The following KLK12 variants were observed in gnomAD, a reference collection of about 807,000 sequenced individuals.
KLK12 encodes kallikrein-12.
A neutral mutation model predicts 20.0 loss-of-function variants in KLK12; 23 were observed. The ratio of observed to expected loss-of-function variants is 1.15; its 90% CI spans 0.83 to 1.63. The LOEUF (loss-of-function observed/expected upper bound fraction) is 1.63, where lower values mean the gene tolerates loss of function less well. Among genes scored for constraint, KLK12 ranks in the 40% most tolerant of loss-of-function variants. The pLI is 0.00. For synonymous variants in KLK12, 147 were observed against 141.9 expected, an observed-to-expected ratio of 1.04 and a Z score of -0.25; for missense variants, 351 against 338.6, an observed-to-expected ratio of 1.04 and a Z score of -0.29.
chr19:51,033,057 A>C (rs943664029), intron 3 of KLK12, among the ~76,000 whole-genome samples: 2 of 149,876 alleles, frequency 1.3e-5, no homozygotes, highest in African/African-American at 4.9e-5. Flanking sequence ...CTACAAAAAA[A>C]ATTTAAAAAT....
chr19:51,034,898 T>G lies in KLK12; in HGVS notation c.-112A>C, dbSNP rs8104577. On this transcript the variant is annotated 5_prime_UTR_variant, in exon 1 of 6. Coordinates refer to ENST00000684732, the MANE Select transcript of KLK12 (RefSeq NM_001370125.1). ...CTCTCCGTCCACCTACCTGCCTGTCTTCTCATGTGCTGGCCACTCCGCCAG... is the reference window on the plus strand; with the variant it reads ...CTCTCCGTCCACCTACCTGCCTGTCGTCTCATGTGCTGGCCACTCCGCCAG... The G allele has an allele frequency of 0.5, 672,792 of 1,349,046 alleles. 169,363 individuals are homozygous for G. Among genetic ancestry groups the G allele is most frequent in the East Asian group, 0.59 (19,318 of 32,646 alleles). The allele number at this position is 1,349,046 out of a possible 1,614,324, so 83.6% of individuals were successfully genotyped here. A position where few individuals can be genotyped will look rare whatever the true frequency, so the allele number is the denominator to read the frequency against.
intron 4 of KLK12, 72 bp from the exon 5 acceptor site, chr19:51,030,993 G>A: frequency 6.3e-7 from 1 of 1,591,902 alleles, no homozygotes; most frequent in African/African-American, 1.3e-5. Context: ...CTCTTCCCTG[G>A]ATGTGGCCCA....
rs1487582660 is a variant in KLK12, at chr19:51,029,439, G to A, written c.610C>T (p.Leu204=). The A allele has an allele frequency of 6.2e-7, 1 of 1,612,138 alleles. No homozygotes were observed. The change falls in exon 6 of 6, where the codon CTG becomes TTG. Residue 204 remains leucine, a synonymous_variant. Transcript: ENST00000684732. ...DACQGDSGGP[L]VCGGVLQGLV... ...CCTTGAAGGACTCCCCCACACACCA[G>A]GGGGCCCCCAGAATCACCCTGGAAG...
intron 3 of KLK12, among the ~76,000 whole-genome samples, chr19:51,032,899 C>T (rs1207005676): frequency 6.6e-6 from 1 of 152,086 alleles, no homozygotes; most frequent in Admixed American, 6.5e-5. Context: ...TGTTTCTTTG[C>T]ATCTGATCTC....
chr19:51,030,764 C>G (rs75565227), intron 5 of KLK12, 24 bp downstream of exon 5: 1 of 1,612,478 alleles, frequency 6.2e-7, no homozygotes, highest in South Asian at 1.1e-5. Context: ...CTGGTGACCA[C>G]GCACGCTGCC....
intron 3 of KLK12, among the ~76,000 whole-genome samples, chr19:51,032,849 C>G (rs1158663232): frequency 6.6e-6 from 1 of 152,128 alleles, no homozygotes; most frequent in Admixed American, 6.5e-5. Context: ...TGAATGGCCT[C>G]TCTGCATCCT....
intron 5 of KLK12, among the ~76,000 whole-genome samples, chr19:51,030,263 C>G (rs886624050): frequency 6.6e-6 from 1 of 151,416 alleles, no homozygotes; most frequent in East Asian, 1.9e-4. Flanking sequence ...TCCTCCATTC[C>G]CCGGTCCTCC....
At chr19:51,030,580 C>A (rs2091545982) in intron 5 of KLK12, among the ~76,000 whole-genome samples, 1 of 152,002 alleles carries the variant, frequency 6.6e-6, no homozygotes, top group Admixed American at 6.6e-5. Context: ...GAACTCCTGA[C>A]CTCAAGTGAT....
At chr19:51,030,707 C>G (rs2091547427) in intron 5 of KLK12, 81 bp downstream of exon 5, 1 of 1,566,308 alleles carries the variant, frequency 6.4e-7, no homozygotes, top group African/African-American at 1.3e-5. Flanking sequence ...GATTCATCCT[C>G]CATCAGTTCC....
chr19:51,030,836 C>T lies in KLK12; in HGVS notation c.543G>A (p.Thr181=), dbSNP rs535806745. The change falls in exon 5 of 6, where the codon ACG becomes ACA. Residue 181 remains threonine, a synonymous_variant. Coordinates refer to ENST00000684732, the MANE Select transcript of KLK12 (RefSeq NM_001370125.1). Reference sequence around the variant, plus strand: ...CGCCGCCTGCACACACCATGTTGCTCGTGATTCTCCCGGGATACACACCAT... The same window carrying T: ...CGCCGCCTGCACACACCATGTTGCTTGTGATTCTCCCGGGATACACACCAT... ...TCHGVYPGRI[T]SNMVCAGGVP... 5.6e-6 allele frequency: 9 copies of T among 1,613,968 alleles called. No homozygotes were observed. The highest frequency in any genetic ancestry group is 4.5e-5 in the East Asian group (2 of 44,882).
Position 51,029,348 on chromosome 19 carries a change from A to G in KLK12, c.701T>C (p.Ile234Thr), listed in dbSNP as rs773497666. ...QDGIPGVYTY[I>T]CKYVDWIRMI... is the part of the protein sequence containing the mutation. ...CCGGATCCAGTCCACATACTTGCAAATATAGGTGTAGACTCCAGGGATGCC... is the reference window on the plus strand; with the variant it reads ...CCGGATCCAGTCCACATACTTGCAAGTATAGGTGTAGACTCCAGGGATGCC... The change falls in exon 6 of 6, where the codon ATT (isoleucine) becomes ACT (threonine). Residue 234 changes from isoleucine (I) to threonine (T), a missense_variant. Transcript: ENST00000684732. The G allele has an allele frequency of 1.5e-5, 24 of 1,614,084 alleles. No individual in the cohort carries two copies. The East Asian group carries it at 5.1e-4, about 34-fold the overall frequency.
chr19:51,032,176 C>A (rs767746132), intron 3 of KLK12, 41 bp from the exon 4 acceptor site: 7 of 1,550,038 alleles, frequency 4.5e-6, no homozygotes, highest in Non-Finnish European at 6.0e-6. Flanking sequence ...GGCACGCAGT[C>A]CCCCACCTTG....
chr19:51,032,824 G>A (rs926418779), intron 3 of KLK12, among the ~76,000 whole-genome samples: 7 of 152,116 alleles, frequency 4.6e-5, no homozygotes, highest in Non-Finnish European at 4.4e-5. Flanking sequence ...GTTCATGATT[G>A]AACGAGTGGG....
intron 1 of KLK12, 66 bp from the exon 2 acceptor site, chr19:51,034,706 T>C: frequency 1.9e-6 from 3 of 1,556,748 alleles, no homozygotes; most frequent in East Asian, 2.4e-5. Flanking sequence ...CCCTCTCTGC[T>C]TCTCTTTGAA....
rs1599770457 is a variant in KLK12 at position 51,032,130 on chromosome 19, T to C, written c.203A>G (p.Tyr68Cys). Residue 68 changes from tyrosine (Y) to cysteine (C), a missense_variant, in exon 4 of 6, where the codon TAC becomes TGC. Tyr to Cys is a radical substitution (Grantham distance 194). Coordinates refer to ENST00000684732, the MANE Select transcript of KLK12 (RefSeq NM_001370125.1). ...GCTGTGTTCCCCCAGGCGCACCCAGTACCTGCTGCCGGTGGCGACGGCTGA... is the reference window on the plus strand; with the variant it reads ...GCTGTGTTCCCCCAGGCGCACCCAGCACCTGCTGCCGGTGGCGACGGCTGA... ...LTAAHCSGSRYWVRLGEHSLS... is the reference protein window; with the variant it reads ...LTAAHCSGSRCWVRLGEHSLS... 6.2e-7 allele frequency: 1 copy of C among 1,600,550 alleles called. No homozygotes were observed. The highest frequency in any genetic ancestry group is 8.5e-7 in the Non-Finnish European group (1 of 1,177,362).
intron 2 of KLK12, 177 bp from the exon 3 acceptor site, chr19:51,034,316 C>T: frequency 1.8e-6 from 2 of 1,137,342 alleles, no homozygotes; most frequent in Non-Finnish European, 1.2e-6. Flanking sequence ...TCAAAGACAC[C>T]CAGGGAGAAA....
Position 51,034,965 on chromosome 19 carries a change from A to G in KLK12, c.-179T>C. The G allele has an allele frequency of 1.7e-6, 2 of 1,202,838 alleles. No homozygotes were observed. 74.5% of individuals were successfully genotyped at this position (1,202,838 alleles called of 1,614,324 possible). On this transcript the variant is annotated 5_prime_UTR_variant, in exon 1 of 6. It removes an upstream start codon present in the reference 5' UTR. Transcript: ENST00000684732. ...GCACCTGGCTCCTCAGCCACCTGTC[A>G]TGTTGCTCAACCGGTCCCTTTCCTT... is the stretch of plus-strand genomic sequence containing the variant.
Position 51,029,298 on chromosome 19 carries a change from C to G in KLK12, c.*4G>C. On this transcript the variant is annotated 3_prime_UTR_variant, in exon 6 of 6. Transcript: ENST00000684732. ...GGGGTGGGGGTGGAGGTGGAGGAAA[C>G]AGGTCAGTTGTTCCTCATGATCATC... 1 of 1,614,054 alleles carries G rather than the reference C, an allele frequency of 6.2e-7. No individual in the cohort carries two copies. Among genetic ancestry groups the G allele is most frequent in the Non-Finnish European group, 8.5e-7 (1 of 1,180,014 alleles).
chr19:51,031,984 G>A lies in KLK12; in HGVS notation c.349C>T (p.Pro117Ser). Reference protein sequence around the residue: ...HDLRLLRLRLPVRVTSSVQPL... With the variant: ...HDLRLLRLRLSVRVTSSVQPL... ...TGAACGCTGCTGGTTACGCGGACGGGCAGGCGCAGCCGCAGCAGCCGGAGG... is the reference window on the plus strand; with the variant it reads ...TGAACGCTGCTGGTTACGCGGACGGACAGGCGCAGCCGCAGCAGCCGGAGG... Residue 117 changes from proline to serine, a missense_variant, in exon 4 of 6, where the codon CCC becomes TCC. By Grantham distance (74) the Pro-to-Ser change is moderately conservative (BLOSUM62 -1). Coordinates refer to ENST00000684732, the MANE Select transcript of KLK12 (RefSeq NM_001370125.1). 1 of 1,612,814 alleles carries A rather than the reference G, an allele frequency of 6.2e-7. No individual in the cohort carries two copies.
Sources: gnomAD v4.1 joint callset for allele counts (sites outside exome capture counted in the v4.1 genomes callset) on GRCh38, gnomAD v4.1.1 for gene constraint, MANE v1.5 for transcripts, NCBI Gene and HGNC (gene_info 2026-07-23, HGNC 2026-07-21) for gene names.